Variants in AMD1 observed in about 807,000 individuals in gnomAD.
AMD1 encodes adenosylmethionine decarboxylase 1, also known as S-adenosylmethionine decarboxylase proenzyme.
AMD1 carries 11 observed loss-of-function variants against 40.2 expected under a neutral mutation model. That is an observed-to-expected ratio of 0.27 (90% confidence interval 0.17 to 0.45). The LOEUF is 0.45. Ranked by LOEUF, AMD1 falls within the 20% of genes least tolerant of loss-of-function variation. AMD1 has a pLI of 1.00. For synonymous variants in AMD1, 121 were observed against 130.8 expected (o/e 0.93, Z 0.51); for missense variants, 257 against 410.2 (o/e 0.63, Z 3.23).
chr6:110,842,971 A>G, the AMD1 span, among the ~76,000 whole-genome samples: 4 of 152,008 alleles, frequency 2.6e-5, no homozygotes, highest in African/African-American at 9.7e-5. Context: ...CGTCTCTACT[A>G]AAAATACAAA....
chr6:110,876,957 A>G (rs1333679683), intron 1 of AMD1, among the ~76,000 whole-genome samples: 1 of 152,240 alleles, frequency 6.6e-6, no homozygotes, highest in Non-Finnish European at 1.5e-5. Context: ...GTTCTCCCCA[A>G]GTTCTTGGCG....
chr6:110,848,582 A>C, the AMD1 span: 1 of 482,984 alleles, frequency 2.1e-6, no homozygotes, highest in South Asian at 2.2e-5. Flanking sequence ...TTGTGGACAA[A>C]GACTTTAGGA....
At chr6:110,835,163 C>T in the AMD1 span, among the ~76,000 whole-genome samples, 324 of 150,944 alleles carry the variant, frequency 2.1e-3, 1 homozygote, top group African/African-American at 7.5e-3. Context: ...GGACTACAGG[C>T]GCCCGCCACC....
chr6:110,888,820 A>G, intron 2 of AMD1, 37 bp from the exon 3 acceptor site: 3 of 1,596,674 alleles, frequency 1.9e-6, no homozygotes, highest in Non-Finnish European at 1.7e-6. Flanking sequence ...GTAGTACATT[A>G]GTATTGTTAT....
chr6:110,822,148 G>A, the AMD1 span, among the ~76,000 whole-genome samples: 3 of 151,612 alleles, frequency 2.0e-5, no homozygotes, highest in African/African-American at 7.3e-5. Flanking sequence ...CAAGGTGGCA[G>A]TGAGCCGAGA....
the AMD1 span, among the ~76,000 whole-genome samples, chr6:110,855,982 C>T: frequency 0.038 from 5,836 of 152,038 alleles, 404 homozygotes; most frequent in East Asian, 0.35. Context: ...CCGGAGGCTG[C>T]GGTAGGAGGA....
the AMD1 span, among the ~76,000 whole-genome samples, chr6:110,834,850 G>A: frequency 7.3e-5 from 11 of 150,866 alleles, no homozygotes; most frequent in African/African-American, 2.7e-4. Context: ...TTGGGAGGCT[G>A]AGGCAGGAGA....
intron 4 of AMD1, 100 bp downstream of exon 4, chr6:110,890,456 T>G: frequency 1.2e-6 from 1 of 845,812 alleles, no homozygotes; most frequent in Non-Finnish European, 1.9e-6. Flanking sequence ...ATATATAGCA[T>G]TCTACACACA....
At chr6:110,828,911 C>A in the AMD1 span, among the ~76,000 whole-genome samples, 1 of 152,164 alleles carries the variant, frequency 6.6e-6, no homozygotes, top group Non-Finnish European at 1.5e-5. Flanking sequence ...GTGGTTCACG[C>A]CTGTAATCCC....
At chr6:110,849,303 A>G in the AMD1 span, among the ~76,000 whole-genome samples, 2 of 152,196 alleles carry the variant, frequency 1.3e-5, no homozygotes, top group Non-Finnish European at 2.9e-5. Context: ...TCCACCACCT[A>G]CAGTAAAAAG....
At chr6:110,852,121 T>C in the AMD1 span, among the ~76,000 whole-genome samples, 1 of 148,218 alleles carries the variant, frequency 6.7e-6, no homozygotes, top group Non-Finnish European at 1.5e-5. Context: ...TGTGGGAACA[T>C]GGCTCACTGC....
At chr6:110,893,100 G>T in intron 8 of AMD1, 35 bp downstream of exon 8, 1 of 1,543,124 alleles carries the variant, frequency 6.5e-7, no homozygotes, top group South Asian at 1.2e-5. Context: ...CAGGTTATTT[G>T]ATTTTTAAAA....
chr6:110,881,066 C>T (rs1785384619), intron 1 of AMD1, among the ~76,000 whole-genome samples: 2 of 152,118 alleles, frequency 1.3e-5, no homozygotes, highest in Non-Finnish European at 1.5e-5. Context: ...ATGTGGCATG[C>T]CACTAAAGTG....
the AMD1 span, among the ~76,000 whole-genome samples, chr6:110,822,338 T>C: frequency 1.3e-5 from 2 of 151,732 alleles, no homozygotes; most frequent in African/African-American, 4.8e-5. Flanking sequence ...CTAGAGGAAA[T>C]AGATAAATTC....
At chr6:110,881,586 C>T (rs187719036) in intron 1 of AMD1, among the ~76,000 whole-genome samples, 7 of 152,008 alleles carry the variant, frequency 4.6e-5, no homozygotes, top group African/African-American at 7.2e-5. Flanking sequence ...GAGGCCGAGG[C>T]GGGTGGATTG....
the AMD1 span, chr6:110,859,172 TATC>T: frequency 5.2e-5 from 54 of 1,029,692 alleles, no homozygotes; most frequent in Non-Finnish European, 6.9e-5. Flanking sequence ...TCTCTCCCCA[TATC>T]ATCTCCCCGT....
chr6:110,816,210 A>G, the AMD1 span, among the ~76,000 whole-genome samples: 1 of 152,210 alleles, frequency 6.6e-6, no homozygotes, highest in Non-Finnish European at 1.5e-5. Context: ...TGCGGTTCCC[A>G]TAACCAGGCT....
At chr6:110,843,572 AAT>A in the AMD1 span, among the ~76,000 whole-genome samples, 2 of 152,106 alleles carry the variant, frequency 1.3e-5, no homozygotes, top group Non-Finnish European at 2.9e-5. Context: ...ATATAAAATA[AAT>A]ATGTTTAATA....
At chr6:110,878,258 G>C (rs1170002355) in intron 1 of AMD1, among the ~76,000 whole-genome samples, 3 of 152,044 alleles carry the variant, frequency 2.0e-5, no homozygotes, top group Non-Finnish European at 2.9e-5. Context: ...TTCATATTTA[G>C]ATCTGCAATC....
Sources: gnomAD v4.1 joint callset for allele counts (sites outside exome capture counted in the v4.1 genomes callset) on GRCh38, gnomAD v4.1.1 for gene constraint, MANE v1.5 for transcripts, NCBI Gene and HGNC (gene_info 2026-07-23, HGNC 2026-07-21) for gene names.